The following CBFB variants were observed in gnomAD, a reference collection of about 807,000 sequenced individuals.
CBFB encodes CBF-beta.
In CBFB, 9 loss-of-function variants were observed where a neutral mutation model predicts 30.4. The observed-to-expected ratio is 0.30, with a 90% CI of 0.18 to 0.52. The LOEUF (loss-of-function observed/expected upper bound fraction) is 0.52, where lower values mean the gene tolerates loss of function less well. Among genes scored for constraint, CBFB ranks in the 20% least tolerant of loss-of-function variants. The pLI, the probability that CBFB is intolerant of heterozygous loss-of-function variation, is 0.97. For missense variants in CBFB, 170 were observed against 244.0 expected (o/e 0.70, Z 2.02); for synonymous variants, 94 against 84.0 (o/e 1.12, Z -0.65).
chr16:67,048,062 C>A (rs970440535), intron 3 of CBFB, among the ~76,000 whole-genome samples: 1 of 151,412 alleles, frequency 6.6e-6, no homozygotes, highest in Admixed American at 6.6e-5. Flanking sequence ...AATTCCATCT[C>A]AAAAAAAATA....
At position 67,096,654 on chromosome 16, in the gene CBFB, G is replaced by A. The variant is rs1033010743; in HGVS notation, c.496-2056G>A. ...ATTTTTATTTTATAGACCTAGTCAA[G>A]CTTCTTAATTGTTAAATATTGTTAT... is the stretch of plus-strand genomic sequence containing the variant. On this transcript the variant is annotated intron_variant, in intron 5 of 5. Transcript: ENST00000412916. 3.9e-5 allele frequency among the ~76,000 whole-genome samples: 6 copies of A among 152,038 alleles called. No individual in the cohort carries two copies. In the South Asian group the frequency reaches 1.2e-3, roughly 32 times the overall value.
intron 2 of CBFB, among the ~76,000 whole-genome samples, chr16:67,032,425 TGC>T (rs1051207335): frequency 2.0e-5 from 3 of 152,248 alleles, no homozygotes; most frequent in African/African-American, 7.2e-5. Flanking sequence ...GTGTGAGGTT[TGC>T]ACTTAAGACG....
Position 67,032,792 on chromosome 16 carries a change from G to A in CBFB, c.165+2979G>A, listed in dbSNP as rs1966373971. Among the ~76,000 whole-genome samples the A allele has an allele frequency of 3.3e-5, 5 of 152,202 alleles. No homozygotes were observed. The South Asian group carries it at 8.3e-4, about 25-fold the overall frequency. On this transcript the variant is annotated intron_variant, in intron 2 of 5. Transcript: ENST00000412916. ...CCTGTTTTGACAGCAGCCATAAATG[G>A]CAAGGATATCCATAGTTCTCAAAAC...
chr16:67,031,751 A>G (rs1966354109), intron 2 of CBFB, among the ~76,000 whole-genome samples: 1 of 151,488 alleles, frequency 6.6e-6, no homozygotes, highest in South Asian at 2.1e-4. Flanking sequence ...GACCTTAAGT[A>G]ATCCTCCCAC....
chr16:67,084,756 T>C (rs1186456466), intron 5 of CBFB, among the ~76,000 whole-genome samples: 3 of 152,190 alleles, frequency 2.0e-5, no homozygotes, highest in Non-Finnish European at 2.9e-5. Flanking sequence ...TTAAGGTGTG[T>C]GTGCATACGT....
At chr16:67,095,690 G>GT (rs869266505) in intron 5 of CBFB, among the ~76,000 whole-genome samples, 10,369 of 124,092 alleles carry the variant, frequency 0.084, 549 homozygotes, top group Non-Finnish European at 0.12. Context: ...GACCTCATCT[G>GT]TTTTTTTTTT....
intron 4 of CBFB, among the ~76,000 whole-genome samples, chr16:67,067,516 T>G: frequency 6.6e-6 from 1 of 152,106 alleles, no homozygotes; most frequent in East Asian, 1.9e-4. Flanking sequence ...AAACTCTGTC[T>G]CAAAAACAAC....
chr16:67,059,034 C>G (rs541167868), intron 3 of CBFB, among the ~76,000 whole-genome samples: 2 of 152,146 alleles, frequency 1.3e-5, no homozygotes, highest in Admixed American at 1.3e-4. Flanking sequence ...TAGAATCACT[C>G]AAAAGAGGGA....
intron 3 of CBFB, among the ~76,000 whole-genome samples, chr16:67,065,602 T>G (rs1489813459): frequency 6.6e-6 from 1 of 152,190 alleles, no homozygotes; most frequent in Non-Finnish European, 1.5e-5. Flanking sequence ...GGTCTTGAAC[T>G]CCTGGCCTCA....
chr16:67,029,401 C>T lies in CBFB; in HGVS notation c.-7C>T. 6.5e-7 allele frequency: 1 copy of T among 1,547,300 alleles called. No homozygotes were observed. On this transcript the variant is annotated 5_prime_UTR_variant, in exon 1 of 6. Coordinates refer to ENST00000412916, the MANE Select transcript of CBFB (RefSeq NM_022845.3). ...GCGGCCGGCCGGCGCGGCCTCAGGG[C>T]GGGAAGATGCCGCGCGTCGTGCCCG... is the stretch of plus-strand genomic sequence containing the variant.
intron 3 of CBFB, among the ~76,000 whole-genome samples, chr16:67,052,961 C>G (rs1187338384): frequency 6.8e-6 from 1 of 146,802 alleles, no homozygotes; most frequent in Non-Finnish European, 1.5e-5. Context: ...TCCTGGAAAT[C>G]AAGGCTGCAG....
chr16:67,082,020 T>C (rs1961571395), intron 4 of CBFB, 193 bp from the exon 5 acceptor site: 1 of 285,970 alleles, frequency 3.5e-6, no homozygotes, highest in Non-Finnish European at 6.6e-6. Flanking sequence ...GGTTTCACCA[T>C]GTTGGTCAGG....
chr16:67,075,057 G>GCA (rs1875951117), intron 4 of CBFB, among the ~76,000 whole-genome samples: 2 of 152,090 alleles, frequency 1.3e-5, no homozygotes, highest in African/African-American at 4.8e-5. Context: ...AGGTATGGTG[G>GCA]CACACACCTA....
At chr16:67,093,376 T>G (rs941779031) in intron 5 of CBFB, 7 of 147,370 alleles carry the variant, frequency 4.7e-5, no homozygotes, top group African/African-American at 1.8e-4. Context: ...AGGTTTTTTT[T>G]TTTTTTTTTT....
chr16:67,038,896 A>T (rs910181177), intron 3 of CBFB, among the ~76,000 whole-genome samples: 1 of 152,142 alleles, frequency 6.6e-6, no homozygotes, highest in African/African-American at 2.4e-5. Flanking sequence ...TGGGTTGTTA[A>T]CTCTACCAGA....
intron 5 of CBFB, among the ~76,000 whole-genome samples, chr16:67,091,599 A>G (rs1961881311): frequency 6.6e-6 from 1 of 152,132 alleles, no homozygotes; most frequent in Non-Finnish European, 1.5e-5. Context: ...GTTACTTTAT[A>G]TTTGAAGTTT....
rs960192117 is a variant in CBFB at position 67,067,741 on chromosome 16, G to GA, written c.399+953dup. On this transcript the variant is annotated intron_variant, in intron 4 of 5. Transcript: ENST00000412916. ...TGACTTTATTAAAAGCAGGGCTTGG[G>GA]AAAAAAAAAATCCATGCCCAGGCAT... Among the ~76,000 whole-genome samples, 292 of 149,476 alleles carry GA rather than the reference G, an allele frequency of 2.0e-3. 5 individuals are homozygous for GA. The highest frequency in any genetic ancestry group is 0.015 in the Admixed American group (228 of 14,998).
At chr16:67,076,124 G>A (rs948768419) in intron 4 of CBFB, among the ~76,000 whole-genome samples, 1 of 152,074 alleles carries the variant, frequency 6.6e-6, no homozygotes, top group East Asian at 1.9e-4. Context: ...AAGCTGCTCG[G>A]GAGGCTGAGG....
chr16:67,040,622 C>G (rs557472068), intron 3 of CBFB, among the ~76,000 whole-genome samples: 1 of 152,280 alleles, frequency 6.6e-6, no homozygotes, highest in East Asian at 1.9e-4. Flanking sequence ...ACACCTGTTA[C>G]GTGTACTGAG....
Sources: allele counts gnomAD v4.1 joint callset (sites outside exome capture counted in the v4.1 genomes callset), GRCh38; gene constraint gnomAD v4.1.1; transcripts MANE v1.5; gene names NCBI Gene and HGNC (gene_info 2026-07-23, HGNC 2026-07-21).